Variants in SCFD2 observed in about 807,000 individuals in gnomAD.
SCFD2 encodes the protein sec1 family domain-containing protein 2.
Under a neutral mutation model 58.9 loss-of-function variants are expected in SCFD2, and 54 were observed. The observed-to-expected ratio is 0.92, with a 90% CI of 0.74 to 1.15. SCFD2 has a LOEUF of 1.15. SCFD2 is among the 50% of genes most tolerant of loss of function. SCFD2 has a pLI of 0.00. For synonymous variants in SCFD2, 321 were observed against 335.9 expected, an observed-to-expected ratio of 0.96 and a Z score of 0.49; for missense variants, 805 against 836.6, an observed-to-expected ratio of 0.96 and a Z score of 0.47.
intron 5 of SCFD2, among the ~76,000 whole-genome samples, chr4:53,115,580 A>G (rs1384765130): frequency 6.6e-6 from 1 of 152,204 alleles, no homozygotes; most frequent in Admixed American, 6.6e-5. Context: ...CCTAAAGCTG[A>G]ATAAAGGCTG....
chr4:53,132,395 C>T (rs1301924405), intron 5 of SCFD2, among the ~76,000 whole-genome samples: 2 of 152,114 alleles, frequency 1.3e-5, no homozygotes, highest in Non-Finnish European at 2.9e-5. Flanking sequence ...AAAATAGACC[C>T]TATTATACCA....
At chr4:53,253,904 A>AT (rs1054822534) in intron 4 of SCFD2, among the ~76,000 whole-genome samples, 3 of 150,522 alleles carry the variant, frequency 2.0e-5, no homozygotes, top group Non-Finnish European at 1.5e-5. Context: ...AAAAAAAAAA[A>AT]AATAACAAAG....
intron 5 of SCFD2, among the ~76,000 whole-genome samples, chr4:53,063,573 C>T (rs1259126440): frequency 6.6e-6 from 1 of 152,074 alleles, no homozygotes; most frequent in South Asian, 2.1e-4. Context: ...TCAGATGCTG[C>T]TGCTGCTTGC....
rs150443693 is a variant in SCFD2 at position 53,112,447 on chromosome 4, G to A, written c.1561+32886C>T. ...TACTGTATAGCTGGTATGGCTCTAC[G>A]GTGAGCAGAGAACAGTTAAGTCATG... is the stretch of plus-strand genomic sequence containing the variant. On this transcript the variant is annotated intron_variant, in intron 5 of 8. Transcript: ENST00000401642. Among the ~76,000 whole-genome samples, 1,253 of 152,162 alleles carry A rather than the reference G, an allele frequency of 8.2e-3. 7 individuals are homozygous for A. The highest frequency in any genetic ancestry group is 0.014 in the Non-Finnish European group (932 of 67,970).
chr4:53,360,446 T>C (rs1270532143), intron 1 of SCFD2, among the ~76,000 whole-genome samples: 1 of 152,190 alleles, frequency 6.6e-6, no homozygotes. Flanking sequence ...GGACACTTCT[T>C]GAGTATCCTG....
chr4:53,182,459 G>A (rs1321161435), intron 4 of SCFD2, among the ~76,000 whole-genome samples: 4 of 152,226 alleles, frequency 2.6e-5, no homozygotes, highest in South Asian at 2.1e-4. Flanking sequence ...TATGCAGAAC[G>A]CTGAAACTGG....
At chr4:52,943,837 C>G (rs917009748) in intron 5 of SCFD2, among the ~76,000 whole-genome samples, 1 of 152,170 alleles carries the variant, frequency 6.6e-6, no homozygotes, top group African/African-American at 2.4e-5. Context: ...CTTCCTTCTT[C>G]TTCTCCCAAC....
chr4:53,178,842 C>T (rs189776477), intron 4 of SCFD2, among the ~76,000 whole-genome samples: 554 of 152,188 alleles, frequency 3.6e-3, no homozygotes, highest in Non-Finnish European at 6.1e-3. Context: ...ACGAGAGCTA[C>T]GTGATGAACG....
chr4:52,921,187 T>C (rs1301484036), intron 5 of SCFD2, among the ~76,000 whole-genome samples: 1 of 152,060 alleles, frequency 6.6e-6, no homozygotes, highest in African/African-American at 2.4e-5. Flanking sequence ...CCCATAATCC[T>C]CGGAACACGA....
intron 2 of SCFD2, among the ~76,000 whole-genome samples, chr4:53,329,989 G>C (rs1733375564): frequency 1.3e-5 from 2 of 151,780 alleles, no homozygotes; most frequent in Non-Finnish European, 2.9e-5. Context: ...GGAAGAAAGG[G>C]TATCAGCGAT....
intron 6 of SCFD2, among the ~76,000 whole-genome samples, chr4:52,913,200 T>C (rs527495371): frequency 2.1e-4 from 30 of 140,828 alleles, no homozygotes; most frequent in Non-Finnish European, 4.7e-4. Flanking sequence ...ACACCAGGGA[T>C]CCCCAACCCC....
chr4:53,334,231 C>A (rs924864260), intron 2 of SCFD2, among the ~76,000 whole-genome samples: 1 of 151,622 alleles, frequency 6.6e-6, no homozygotes, highest in Admixed American at 6.6e-5. Flanking sequence ...TACCATTTGA[C>A]CCAGCCATCC....
intron 8 of SCFD2, among the ~76,000 whole-genome samples, chr4:52,880,895 G>A (rs1441450727): frequency 1.3e-5 from 2 of 152,232 alleles, no homozygotes; most frequent in African/African-American, 4.8e-5. Context: ...GAGCTGTCTG[G>A]CCATGGAGTC....
rs1333315046 is a variant in SCFD2 at position 53,253,858 on chromosome 4, G to GTGCACA, written c.1311+19962_1311+19967dup. ...TACATATGTAACTAACCTGAACATT[G>GTGCACA]TGCACATGTACCCTAAAACTTAAAG... On this transcript the variant is annotated intron_variant, in intron 4 of 8. Coordinates refer to ENST00000401642, the MANE Select transcript of SCFD2 (RefSeq NM_152540.4). 2.7e-5 allele frequency among the ~76,000 whole-genome samples: 4 copies of GTGCACA among 148,190 alleles called. No homozygotes were observed. The Admixed American group carries it at 2.7e-4, about 10-fold the overall frequency.
intron 5 of SCFD2, among the ~76,000 whole-genome samples, chr4:53,112,671 T>C (rs960944985): frequency 1.3e-5 from 2 of 152,146 alleles, no homozygotes; most frequent in African/African-American, 4.8e-5. Flanking sequence ...ACTCAATAGC[T>C]GAGCTCTATT....
chr4:53,090,361 GAGAT>G (rs1181030729), intron 5 of SCFD2, among the ~76,000 whole-genome samples: 8 of 152,170 alleles, frequency 5.3e-5, no homozygotes, highest in Non-Finnish European at 1.2e-4. Context: ...AATGCCAAAA[GAGAT>G]AGAATGGAAA....
chr4:52,945,912 G>C (rs770508162), intron 5 of SCFD2, among the ~76,000 whole-genome samples: 4 of 151,800 alleles, frequency 2.6e-5, no homozygotes, highest in Non-Finnish European at 4.4e-5. Context: ...TTTATACATC[G>C]AACATTTTGG....
At chr4:53,338,588 T>TTTTTTTTTG in intron 2 of SCFD2, among the ~76,000 whole-genome samples, 1 of 84,530 alleles carries the variant, frequency 1.2e-5, no homozygotes, top group Admixed American at 1.2e-4. Context: ...TTTTTTTTTT[T>TTTTTTTTTG]TTTTTTTTGT....
chr4:53,324,018 A>G (rs1733104419), intron 2 of SCFD2, among the ~76,000 whole-genome samples: 1 of 152,184 alleles, frequency 6.6e-6, no homozygotes, highest in Non-Finnish European at 1.5e-5. Flanking sequence ...TATTTCCCAC[A>G]AGGAATAGCA....
Sources: allele counts gnomAD v4.1 joint callset (sites outside exome capture counted in the v4.1 genomes callset), GRCh38; gene constraint gnomAD v4.1.1; transcripts MANE v1.5; gene names NCBI Gene and HGNC (gene_info 2026-07-23, HGNC 2026-07-21).